Variants in PHACTR1 observed in about 807,000 individuals in gnomAD.
The protein encoded by PHACTR1 is phosphatase and actin regulator 1.
PHACTR1 carries 16 observed loss-of-function variants against 69.2 expected under a neutral mutation model. The observed-to-expected ratio is 0.23, with a 90% CI of 0.16 to 0.35. The LOEUF is 0.35. Ranked by LOEUF, PHACTR1 falls within the 10% of genes least tolerant of loss-of-function variation. The pLI is 1.00. For synonymous variants in PHACTR1, 312 were observed against 284.5 expected (o/e 1.10, Z -0.97); for missense variants, 510 against 734.7 (o/e 0.69, Z 3.54).
intron 5 of PHACTR1, among the ~76,000 whole-genome samples, chr6:13,083,033 GAA>G (rs1811664809): frequency 1.3e-5 from 2 of 152,292 alleles, no homozygotes; most frequent in Non-Finnish European, 2.9e-5. Flanking sequence ...TCTATGTCCT[GAA>G]TGGTATTGCC....
intron 10 of PHACTR1, among the ~76,000 whole-genome samples, chr6:13,260,513 C>T (rs561771495): frequency 6.6e-6 from 1 of 152,200 alleles, no homozygotes; most frequent in East Asian, 1.9e-4. Flanking sequence ...TCCTCTGCCC[C>T]TTCTTAGCAC....
chr6:12,953,169 A>G (rs923271013), intron 4 of PHACTR1, among the ~76,000 whole-genome samples: 2 of 152,136 alleles, frequency 1.3e-5, no homozygotes, highest in African/African-American at 4.8e-5. Flanking sequence ...CAAAAAACAT[A>G]AAAATTAGCC....
At chr6:13,202,033 A>G (rs1429017552) in intron 7 of PHACTR1, among the ~76,000 whole-genome samples, 1 of 152,254 alleles carries the variant, frequency 6.6e-6, no homozygotes, top group Non-Finnish European at 1.5e-5. Flanking sequence ...CACAATGACC[A>G]GAAAGGAGAT....
At chr6:13,140,064 C>A (rs1397115346) in intron 5 of PHACTR1, among the ~76,000 whole-genome samples, 1 of 152,208 alleles carries the variant, frequency 6.6e-6, no homozygotes, top group Admixed American at 6.5e-5. Context: ...TGATCTTCCT[C>A]TCTCTGAATT....
At chr6:13,189,283 G>A (rs1763192729) in intron 7 of PHACTR1, among the ~76,000 whole-genome samples, 1 of 152,100 alleles carries the variant, frequency 6.6e-6, no homozygotes, top group South Asian at 2.1e-4. Flanking sequence ...AAAGGACTTG[G>A]TCGTAGTTAC....
chr6:12,788,421 G>T (rs995245504), intron 4 of PHACTR1, among the ~76,000 whole-genome samples: 1 of 152,134 alleles, frequency 6.6e-6, no homozygotes, highest in East Asian at 1.9e-4. Flanking sequence ...TATTTTTAAT[G>T]AGGACCTCAT....
rs112130685 is a variant in PHACTR1, at chr6:13,003,566, G to A, written c.251-49799G>A. 5.7e-4 allele frequency among the ~76,000 whole-genome samples: 87 copies of A among 151,950 alleles called. 1 individual carries two copies. The highest frequency in any genetic ancestry group is 2.0e-3 in the African/African-American group (83 of 41,436). ...TAGAGTGCATTGGAAAGATATTTTT[G>A]CCTTCATTACTGCTTCTTTTAAAAA... On this transcript the variant is annotated intron_variant, in intron 4 of 14. Transcript: ENST00000332995.
At chr6:13,000,660 G>GGGAAGGAAGGAAGGAAGGAA (rs147732283) in intron 4 of PHACTR1, among the ~76,000 whole-genome samples, 3 of 128,284 alleles carry the variant, frequency 2.3e-5, no homozygotes, top group African/African-American at 9.4e-5. Context: ...AGGGAGGAAG[G>GGGAAGGAAGGAAGGAAGGAA]GGAAGGAAGG....
At chr6:12,741,327 A>T (rs1765010083) in intron 3 of PHACTR1, among the ~76,000 whole-genome samples, 2 of 151,866 alleles carry the variant, frequency 1.3e-5, no homozygotes, top group South Asian at 4.1e-4. Context: ...TTTATGAAAA[A>T]TTTTTCTTTT....
chr6:12,775,941 C>T (rs1770007996), intron 4 of PHACTR1, among the ~76,000 whole-genome samples: 1 of 152,116 alleles, frequency 6.6e-6, no homozygotes, highest in African/African-American at 2.4e-5. Context: ...TTACTTTATA[C>T]CAGGCATTCT....
At position 13,057,712 on chromosome 6, in the gene PHACTR1, A is replaced by G. The variant is rs1183816864; in HGVS notation, c.415+4183A>G. 2.6e-5 allele frequency among the ~76,000 whole-genome samples: 4 copies of G among 152,224 alleles called. No individual in the cohort carries two copies. The South Asian group carries it at 6.2e-4, about 24-fold the overall frequency. On this transcript the variant is annotated intron_variant, in intron 5 of 14. Coordinates refer to ENST00000332995, the MANE Select transcript of PHACTR1 (RefSeq NM_030948.6). ...AATTTTATTTACCAGTTGTATAGCA[A>G]TAAGAAAACTATATTGGAAAATTAT...
intron 4 of PHACTR1, among the ~76,000 whole-genome samples, chr6:12,854,918 G>A (rs1229420353): frequency 1.3e-5 from 2 of 152,184 alleles, no homozygotes; most frequent in Non-Finnish European, 2.9e-5. Flanking sequence ...AGAGAAAAGG[G>A]AATATACGTT....
chr6:13,229,441 A>T (rs1770416490), intron 9 of PHACTR1, among the ~76,000 whole-genome samples: 1 of 152,052 alleles, frequency 6.6e-6, no homozygotes, highest in South Asian at 2.1e-4. Context: ...TGAAAAGAAA[A>T]AACCCATCCC....
At chr6:13,155,744 C>A (rs1310365612) in intron 5 of PHACTR1, among the ~76,000 whole-genome samples, 2 of 151,970 alleles carry the variant, frequency 1.3e-5, no homozygotes, top group African/African-American at 4.8e-5. Flanking sequence ...AAAAATTAGC[C>A]AGGAGTGGCA....
At chr6:13,040,441 C>T (rs1437602041) in intron 4 of PHACTR1, among the ~76,000 whole-genome samples, 2 of 152,172 alleles carry the variant, frequency 1.3e-5, no homozygotes, top group Non-Finnish European at 2.9e-5. Context: ...ATACTATATA[C>T]ATTAAAAAAC....
At chr6:12,969,094 G>A (rs1273769486) in intron 4 of PHACTR1, among the ~76,000 whole-genome samples, 4 of 152,060 alleles carry the variant, frequency 2.6e-5, no homozygotes, top group Non-Finnish European at 5.9e-5. Context: ...CATGACCCTC[G>A]ACAGCCTTTT....
At chr6:13,152,439 G>A (rs1824456411) in intron 5 of PHACTR1, among the ~76,000 whole-genome samples, 1 of 152,196 alleles carries the variant, frequency 6.6e-6, no homozygotes, top group African/African-American at 2.4e-5. Flanking sequence ...AGGTATCATG[G>A]GGAACTGGCT....
intron 5 of PHACTR1, among the ~76,000 whole-genome samples, chr6:13,072,325 G>A (rs909867551): frequency 2.6e-5 from 4 of 152,142 alleles, no homozygotes; most frequent in Non-Finnish European, 4.4e-5. Context: ...GCCTATGGAA[G>A]GTCTTTACTG....
At chr6:12,937,061 A>G (rs1011730859) in intron 4 of PHACTR1, among the ~76,000 whole-genome samples, 2 of 152,210 alleles carry the variant, frequency 1.3e-5, no homozygotes, top group Non-Finnish European at 1.5e-5. Context: ...TTTCTCAAAT[A>G]TCTTATTCAG....
Sources: gnomAD v4.1 joint callset for allele counts (sites outside exome capture counted in the v4.1 genomes callset) on GRCh38, gnomAD v4.1.1 for gene constraint, MANE v1.5 for transcripts, NCBI Gene and HGNC (gene_info 2026-07-23, HGNC 2026-07-21) for gene names.